The following FCHSD2 variants were observed in gnomAD, a reference collection of about 807,000 sequenced individuals.
The protein encoded by FCHSD2 is F-BAR and double SH3 domains protein 2.
In FCHSD2, 38 loss-of-function variants were observed where a neutral mutation model predicts 108.1. The ratio of observed to expected loss-of-function variants is 0.35; its 90% confidence interval spans 0.27 to 0.46. FCHSD2 has a LOEUF of 0.46. FCHSD2 is among the 20% of genes least tolerant of loss of function. The probability of loss-of-function intolerance (pLI) is 1.00; values close to 1 mark genes in which losing one functional copy is unlikely to be tolerated. For missense variants in FCHSD2, 751 were observed against 897.8 expected, an observed-to-expected ratio of 0.84 and a Z score of 2.09; for synonymous variants, 279 against 314.7, an observed-to-expected ratio of 0.89 and a Z score of 1.20.
intron 8 of FCHSD2, among the ~76,000 whole-genome samples, chr11:72,942,433 C>T (rs1041456570): frequency 6.6e-6 from 1 of 152,142 alleles, no homozygotes; most frequent in East Asian, 1.9e-4. Context: ...TGGGCTAACA[C>T]AGGCAGGAAT....
chr11:73,000,992 T>C lies in FCHSD2; in HGVS notation c.385A>G (p.Arg129Gly). Residue 129 changes from arginine to glycine, a missense_variant and splice_region_variant, in exon 5 of 20, where the codon AGG becomes GGG. Coordinates refer to ENST00000409418, the MANE Select transcript of FCHSD2 (RefSeq NM_014824.3). The stretch of plus-strand genomic sequence containing the variant: ...AAGAACAGAAATAAAAACAATACCC[T>C]TTTTAGTTGCTGTTCTTTTAAGCTT... ...VRSLKEQQLKRCVDQLTKIQT... is the reference protein window; with the variant it reads ...VRSLKEQQLKGCVDQLTKIQT... The C allele has an allele frequency of 6.2e-7, 1 of 1,603,022 alleles. No homozygotes were observed. Among genetic ancestry groups the C allele is most frequent in the Non-Finnish European group, 8.5e-7 (1 of 1,174,180 alleles).
chr11:72,855,652 T>C (rs1282739923), intron 13 of FCHSD2, among the ~76,000 whole-genome samples: 3 of 152,190 alleles, frequency 2.0e-5, no homozygotes, highest in African/African-American at 7.2e-5. Flanking sequence ...AGAATAATTT[T>C]TTAACCCAGT....
intron 8 of FCHSD2, among the ~76,000 whole-genome samples, chr11:72,945,781 C>T (rs190387640): frequency 1.1e-4 from 17 of 152,172 alleles, no homozygotes; most frequent in South Asian, 2.1e-4. Context: ...TGCAGCCAAA[C>T]GATACATGAA....
chr11:72,843,417 C>T (rs1861027511), intron 15 of FCHSD2, 32 bp downstream of exon 15: 1 of 1,608,184 alleles, frequency 6.2e-7, no homozygotes, highest in East Asian at 2.2e-5. Context: ...AAAAATGTCA[C>T]AAGAAAGGGC....
chr11:72,844,206 A>G (rs1861054731), intron 14 of FCHSD2, among the ~76,000 whole-genome samples: 1 of 152,166 alleles, frequency 6.6e-6, no homozygotes, highest in Non-Finnish European at 1.5e-5. Context: ...GGCAAACGAG[A>G]AGGCACTGAA....
intron 2 of FCHSD2, among the ~76,000 whole-genome samples, chr11:73,084,664 G>T (rs889273759): frequency 2.6e-5 from 4 of 152,232 alleles, no homozygotes; most frequent in African/African-American, 9.6e-5. Context: ...AAAGCATTGG[G>T]ATTACTGGCA....
intron 9 of FCHSD2, among the ~76,000 whole-genome samples, chr11:72,913,835 C>CCA (rs1565320056): frequency 3.8e-4 from 55 of 145,770 alleles, no homozygotes; most frequent in African/African-American, 6.3e-4. Context: ...AAAAAAAAAA[C>CCA]AAAAAAAAAA....
chr11:72,972,703 T>G (rs1250828708), intron 8 of FCHSD2, among the ~76,000 whole-genome samples: 2 of 152,186 alleles, frequency 1.3e-5, no homozygotes. Flanking sequence ...AAATAACCAA[T>G]GTAGCAGGGA....
intron 13 of FCHSD2, among the ~76,000 whole-genome samples, chr11:72,851,636 G>A (rs1861290633): frequency 6.6e-6 from 1 of 152,100 alleles, no homozygotes; most frequent in South Asian, 2.1e-4. Flanking sequence ...CCAGCTACTT[G>A]GGAGGCTGAG....
chr11:72,945,131 A>G (rs1026335528), intron 8 of FCHSD2, among the ~76,000 whole-genome samples: 4 of 152,148 alleles, frequency 2.6e-5, no homozygotes, highest in African/African-American at 7.2e-5. Context: ...GAGGCATCAC[A>G]CTACCTGACT....
rs759087153 is a variant in FCHSD2, at chr11:72,867,987, T to C, written c.1186A>G (p.Lys396Glu). ...GTGTCCACAGAAACACCAATCTGCTTTAGCAGGTCCAACCGGGCTTCAGCT... is the reference window on the plus strand; with the variant it reads ...GTGTCCACAGAAACACCAATCTGCTCTAGCAGGTCCAACCGGGCTTCAGCT... ...LKAEARLDLL[K>E]QIGVSVDTWL... The change falls in exon 13 of 20, where the codon AAG (lysine) becomes GAG (glutamate). Residue 396 changes from lysine to glutamate, a missense_variant. Coordinates refer to ENST00000409418, the MANE Select transcript of FCHSD2 (RefSeq NM_014824.3). 2.5e-5 allele frequency: 40 copies of C among 1,578,658 alleles called. No individual in the cohort carries two copies. The South Asian group carries it at 4.6e-4, about 18-fold the overall frequency.
At chr11:72,867,671 AAC>A (rs1854758229) in intron 13 of FCHSD2, among the ~76,000 whole-genome samples, 192 bp downstream of exon 13, 1 of 152,236 alleles carries the variant, frequency 6.6e-6, no homozygotes, top group Admixed American at 6.5e-5. Flanking sequence ...CATTAAAAAA[AAC>A]ACTCATTTTT....
chr11:73,137,955 T>C (rs1414949303), intron 2 of FCHSD2, among the ~76,000 whole-genome samples: 1 of 152,202 alleles, frequency 6.6e-6, no homozygotes, highest in Non-Finnish European at 1.5e-5. Flanking sequence ...TCTATAATAA[T>C]GTTTTTAGAA....
At chr11:73,067,101 T>C (rs1209046809) in intron 3 of FCHSD2, among the ~76,000 whole-genome samples, 3 of 152,174 alleles carry the variant, frequency 2.0e-5, no homozygotes, top group Non-Finnish European at 2.9e-5. Context: ...CTATCAATTA[T>C]AGACTGGATA....
intron 8 of FCHSD2, among the ~76,000 whole-genome samples, chr11:72,977,291 A>C (rs1257364695): frequency 6.6e-6 from 1 of 152,168 alleles, no homozygotes; most frequent in East Asian, 1.9e-4. Flanking sequence ...TTTCTTGAGT[A>C]ATACCCTGTA....
chr11:73,028,601 G>A (rs1452007054), intron 3 of FCHSD2, among the ~76,000 whole-genome samples: 2 of 152,180 alleles, frequency 1.3e-5, no homozygotes, highest in African/African-American at 4.8e-5. Flanking sequence ...TGTTGAGACG[G>A]CATGATTGTG....
intron 3 of FCHSD2, among the ~76,000 whole-genome samples, chr11:73,071,557 T>A (rs1286405897): frequency 1.3e-5 from 2 of 149,016 alleles, no homozygotes; most frequent in African/African-American, 4.9e-5. Context: ...AAAAATTAGC[T>A]GGGCATGGTG....
At chr11:73,041,145 G>T (rs779227456) in intron 3 of FCHSD2, among the ~76,000 whole-genome samples, 4 of 152,142 alleles carry the variant, frequency 2.6e-5, no homozygotes, top group Non-Finnish European at 5.9e-5. Flanking sequence ...GGACACGTAG[G>T]TTGATTCCAT....
intron 9 of FCHSD2, among the ~76,000 whole-genome samples, chr11:72,917,688 CTA>C (rs1855901376): frequency 6.6e-6 from 1 of 152,200 alleles, no homozygotes; most frequent in African/African-American, 2.4e-5. Context: ...GAGTTCAAGA[CTA>C]GCCTGGCTAA....
Sources: gnomAD v4.1 joint callset for allele counts (sites outside exome capture counted in the v4.1 genomes callset) on GRCh38, gnomAD v4.1.1 for gene constraint, MANE v1.5 for transcripts, NCBI Gene and HGNC (gene_info 2026-07-23, HGNC 2026-07-21) for gene names.